The following PTPRD variants were observed in gnomAD, a reference collection of about 807,000 sequenced individuals.
PTPRD encodes receptor-type tyrosine-protein phosphatase delta.
In PTPRD, 34 loss-of-function variants were observed where a neutral mutation model predicts 214.5. That is an observed-to-expected ratio of 0.16 (90% CI 0.12 to 0.21). The LOEUF (loss-of-function observed/expected upper bound fraction) is 0.21. Ranked by LOEUF, PTPRD falls within the 10% of genes least tolerant of loss-of-function variation. The pLI, the probability that PTPRD is intolerant of heterozygous loss-of-function variation, is 1.00. For synonymous variants in PTPRD, 1,128 were observed against 845.7 expected (o/e 1.33, Z -5.79); for missense variants, 2,545 against 2,398.7 (o/e 1.06, Z -1.27).
intron 9 of PTPRD, among the ~76,000 whole-genome samples, chr9:9,379,160 T>C (rs2061522454): frequency 6.7e-6 from 1 of 149,572 alleles, no homozygotes; most frequent in Non-Finnish European, 1.5e-5. Flanking sequence ...TCCATTTGAG[T>C]TAAAAATTTT....
chr9:9,426,528 G>A (rs2080995687), intron 8 of PTPRD, among the ~76,000 whole-genome samples: 1 of 152,180 alleles, frequency 6.6e-6, no homozygotes, highest in Admixed American at 6.5e-5. Context: ...CAGACTTAAA[G>A]GTCCCTGTCT....
At chr9:9,566,321 C>T (rs1190262225) in intron 8 of PTPRD, among the ~76,000 whole-genome samples, 1 of 151,902 alleles carries the variant, frequency 6.6e-6, no homozygotes, top group Non-Finnish European at 1.5e-5. Context: ...AATTATAATA[C>T]ACAACTATAA....
At chr9:9,384,414 T>G (rs2063273064) in intron 9 of PTPRD, among the ~76,000 whole-genome samples, 1 of 130,168 alleles carries the variant, frequency 7.7e-6, no homozygotes, top group East Asian at 2.5e-4. Context: ...ATCCAAGAGA[T>G]AGTTCAATGT....
intron 5 of PTPRD, among the ~76,000 whole-genome samples, chr9:9,843,159 A>T (rs1460119548): frequency 6.6e-6 from 1 of 152,072 alleles, no homozygotes; most frequent in Non-Finnish European, 1.5e-5. Flanking sequence ...AGACCTTCAA[A>T]TATTTATTCC....
Position 10,294,145 on chromosome 9 carries a change from T to G in PTPRD, c.-545+46818A>C, listed in dbSNP as rs150567741. On this transcript the variant is annotated intron_variant, in intron 3 of 45. Transcript: ENST00000381196. ...AAATTGGCAATATCTCATTTTTATATTGGTTGTTTCAGTAAACACTGCCCA... is the reference window on the plus strand; with the variant it reads ...AAATTGGCAATATCTCATTTTTATAGTGGTTGTTTCAGTAAACACTGCCCA... Among the ~76,000 whole-genome samples the G allele has an allele frequency of 4.5e-4, 69 of 152,088 alleles. No individual in the cohort carries two copies. In the East Asian group the frequency reaches 0.011, roughly 25 times the overall value.
At chr9:8,734,340 A>G (rs1405263059) in intron 11 of PTPRD, among the ~76,000 whole-genome samples, 2 of 152,254 alleles carry the variant, frequency 1.3e-5, no homozygotes, top group Admixed American at 6.5e-5. Context: ...AAGATTTAAG[A>G]GAAGTTCCTC....
At chr9:9,986,872 T>C (rs1373876471) in intron 4 of PTPRD, among the ~76,000 whole-genome samples, 1 of 143,114 alleles carries the variant, frequency 7.0e-6, no homozygotes, top group Non-Finnish European at 1.5e-5. Flanking sequence ...ACACTTAAAA[T>C]ATGTTAATAG....
chr9:9,900,577 A>G (rs2076147415), intron 5 of PTPRD, among the ~76,000 whole-genome samples: 1 of 151,680 alleles, frequency 6.6e-6, no homozygotes, highest in Non-Finnish European at 1.5e-5. Flanking sequence ...TCTTCTTGAG[A>G]GCCCTCCAAA....
At chr9:9,566,948 T>C (rs1218316670) in intron 8 of PTPRD, among the ~76,000 whole-genome samples, 2 of 152,054 alleles carry the variant, frequency 1.3e-5, no homozygotes, top group South Asian at 2.1e-4. Flanking sequence ...TGACAGTGAT[T>C]ACAGAGTCAA....
chr9:10,076,626 C>T (rs958071803), intron 3 of PTPRD, among the ~76,000 whole-genome samples: 13 of 152,086 alleles, frequency 8.5e-5, no homozygotes. Context: ...CACGGGCTGT[C>T]ATATATGAGC....
At chr9:8,418,856 T>C (rs10977074) in intron 35 of PTPRD, among the ~76,000 whole-genome samples, 26,500 of 151,972 alleles carry the variant, frequency 0.17, 2,695 homozygotes, top group Non-Finnish European at 0.23. Flanking sequence ...GCCTAGAGTA[T>C]ACTGGAAGAA....
chr9:9,684,165 TA>T (rs773763293), intron 7 of PTPRD, among the ~76,000 whole-genome samples: 1 of 150,792 alleles, frequency 6.6e-6, no homozygotes, highest in Non-Finnish European at 1.5e-5. Flanking sequence ...CATGCTTGGT[TA>T]AAAAAAAAGA....
At chr9:9,178,780 AC>A (rs1254808810) in intron 10 of PTPRD, among the ~76,000 whole-genome samples, 1 of 152,062 alleles carries the variant, frequency 6.6e-6, no homozygotes, top group South Asian at 2.1e-4. Flanking sequence ...GTTTTTTACT[AC>A]CCTTGAATGA....
chr9:9,005,685 T>C (rs1451285023), intron 11 of PTPRD, among the ~76,000 whole-genome samples: 3 of 152,044 alleles, frequency 2.0e-5, no homozygotes, highest in Non-Finnish European at 4.4e-5. Context: ...TTAATAAAGT[T>C]CACTTTATTA....
chr9:9,164,403 T>C (rs79027816), intron 10 of PTPRD, among the ~76,000 whole-genome samples: 6,081 of 152,222 alleles, frequency 0.04, 190 homozygotes, highest in Non-Finnish European at 0.059. Flanking sequence ...GGTGATTACA[T>C]TGGGCCCACC....
At chr9:9,887,578 T>A (rs2071442665) in intron 5 of PTPRD, among the ~76,000 whole-genome samples, 1 of 152,168 alleles carries the variant, frequency 6.6e-6, no homozygotes, top group East Asian at 1.9e-4. Context: ...GTGGGATGAA[T>A]GCAGGACTCT....
intron 3 of PTPRD, among the ~76,000 whole-genome samples, chr9:10,273,760 T>C (rs977318343): frequency 6.6e-6 from 1 of 152,248 alleles, no homozygotes; most frequent in South Asian, 2.1e-4. Flanking sequence ...CAGTATTAAA[T>C]GTCACAGTGT....
chr9:9,568,374 G>A (rs141761890), intron 8 of PTPRD, among the ~76,000 whole-genome samples: 18 of 151,950 alleles, frequency 1.2e-4, no homozygotes, highest in Non-Finnish European at 2.4e-4. Context: ...GGCTTCCTAA[G>A]TTCCACAAAT....
chr9:9,649,320 A>G (rs2096275031), intron 7 of PTPRD, among the ~76,000 whole-genome samples: 2 of 152,194 alleles, frequency 1.3e-5, no homozygotes, highest in African/African-American at 2.4e-5. Flanking sequence ...CATACTACAT[A>G]TTACATTTTA....
Sources: allele counts gnomAD v4.1 joint callset (sites outside exome capture counted in the v4.1 genomes callset), GRCh38; gene constraint gnomAD v4.1.1; transcripts MANE v1.5; gene names NCBI Gene and HGNC (gene_info 2026-07-23, HGNC 2026-07-21).